Variants in RBFOX1 observed in about 807,000 individuals in gnomAD.
The protein encoded by RBFOX1 is RNA binding fox-1 homolog 1, also known as RNA binding protein fox-1 homolog 1.
RBFOX1 carries 8 observed loss-of-function variants against 57.7 expected under a neutral mutation model. The ratio of observed to expected loss-of-function variants is 0.14; its 90% CI spans 0.08 to 0.25. The LOEUF is 0.25. Ranked by LOEUF, RBFOX1 falls within the 10% of genes least tolerant of loss-of-function variation. The pLI, the probability that RBFOX1 is intolerant of heterozygous loss-of-function variation, is 1.00. For synonymous variants in RBFOX1, 326 were observed against 222.4 expected (o/e 1.47, Z -4.15); for missense variants, 611 against 548.5 (o/e 1.11, Z -1.14).
rs1567553516 is a variant in RBFOX1 at position 7,504,732 on chromosome 16, TATATATATATATATATATATA to T, written c.28-13414_28-13394del. 1.7e-3 allele frequency among the ~76,000 whole-genome samples: 15 copies of T among 8,642 alleles called. No homozygotes were observed. In the South Asian group the frequency reaches 0.026, roughly 15 times the overall value. 5.7% of individuals were successfully genotyped at this position (8,642 alleles called of 152,430 possible). On this transcript the variant is annotated intron_variant, in intron 4 of 15. Coordinates refer to ENST00000550418, the MANE Select transcript of RBFOX1 (RefSeq NM_018723.4). The stretch of plus-strand genomic sequence containing the variant: ...GATTATATATATATATATATATATA[TATATATATATATATATATATA>T]TTTATATATATATATATTTATATAT...
At chr16:6,664,947 T>A (rs1183812791) in intron 3 of RBFOX1, among the ~76,000 whole-genome samples, 1 of 152,166 alleles carries the variant, frequency 6.6e-6, no homozygotes, top group Non-Finnish European at 1.5e-5. Context: ...CAGACATCGT[T>A]TGTAAATCAT....
At chr16:7,021,166 G>A (rs1390150935) in intron 3 of RBFOX1, among the ~76,000 whole-genome samples, 1 of 152,010 alleles carries the variant, frequency 6.6e-6, no homozygotes, top group East Asian at 1.9e-4. Flanking sequence ...AATAAACGAA[G>A]CATCACAGGA....
chr16:6,829,061 C>T (rs564647655), intron 3 of RBFOX1, among the ~76,000 whole-genome samples: 2 of 152,138 alleles, frequency 1.3e-5, no homozygotes, highest in South Asian at 2.1e-4. Flanking sequence ...GGACACCTGC[C>T]GGGATCAGGG....
chr16:5,420,841 C>G (rs930359078), intron 1 of RBFOX1, among the ~76,000 whole-genome samples: 3 of 150,640 alleles, frequency 2.0e-5, no homozygotes, highest in Admixed American at 1.3e-4. Context: ...CAGCCATCGT[C>G]TACCACCACC....
chr16:7,558,081 A>G (rs1250790664), intron 5 of RBFOX1, among the ~76,000 whole-genome samples: 2 of 152,094 alleles, frequency 1.3e-5, no homozygotes, highest in Non-Finnish European at 2.9e-5. Flanking sequence ...GAGGCCAGGC[A>G]TGGTAGCTCA....
At chr16:5,292,111 G>A (rs542417426) in intron 1 of RBFOX1, among the ~76,000 whole-genome samples, 1 of 151,500 alleles carries the variant, frequency 6.6e-6, no homozygotes, top group Non-Finnish European at 1.5e-5. Context: ...AATGAGAAAT[G>A]CGGAATGCTA....
At chr16:7,293,522 A>G (rs958424769) in intron 4 of RBFOX1, among the ~76,000 whole-genome samples, 2 of 152,128 alleles carry the variant, frequency 1.3e-5, no homozygotes, top group African/African-American at 4.8e-5. Flanking sequence ...AGAATGGGCT[A>G]ATTAATTTTA....
chr16:7,448,774 A>G (rs750431062), intron 4 of RBFOX1, among the ~76,000 whole-genome samples: 15 of 151,868 alleles, frequency 9.9e-5, no homozygotes, highest in East Asian at 1.9e-4. Context: ...TTTTCCTTCT[A>G]TGTTTGTCTG....
intron 1 of RBFOX1, among the ~76,000 whole-genome samples, chr16:5,250,433 C>T (rs1158899950): frequency 6.6e-6 from 1 of 152,106 alleles, no homozygotes; most frequent in African/African-American, 2.4e-5. Flanking sequence ...TGTCCCTCAC[C>T]CCCGACAGGC....
intron 3 of RBFOX1, among the ~76,000 whole-genome samples, chr16:5,723,717 G>C (rs2052024497): frequency 1.3e-5 from 2 of 152,158 alleles, no homozygotes; most frequent in Admixed American, 1.3e-4. Flanking sequence ...GGCTTGGGCT[G>C]GATGGTGTCT....
In RBFOX1 at chr16:5,569,136, C is replaced by T. The variant is rs140729061; in HGVS notation, c.259-29766C>T. On this transcript the variant is annotated intron_variant, in intron 2 of 2. Coordinates refer to the RBFOX1 transcript ENST00000585867. The stretch of plus-strand genomic sequence containing the variant: ...AAGTGCTGGGATTACAGGCGTGAGC[C>T]ACCATGCCCGGCTGACATTGGTTCT... Among the ~76,000 whole-genome samples, 259 of 152,186 alleles carry T rather than the reference C, an allele frequency of 1.7e-3. 4 individuals carry two copies. The highest frequency in any genetic ancestry group is 5.2e-3 in the African/African-American group (215 of 41,524).
At chr16:5,719,590 C>A (rs116834506) in intron 3 of RBFOX1, among the ~76,000 whole-genome samples, 2 of 152,052 alleles carry the variant, frequency 1.3e-5, no homozygotes, top group Non-Finnish European at 2.9e-5. Flanking sequence ...CAGGCCCTGG[C>A]AATTACTAAT....
At chr16:7,694,855 C>G (rs898931299) in intron 14 of RBFOX1, among the ~76,000 whole-genome samples, 21 of 152,232 alleles carry the variant, frequency 1.4e-4, no homozygotes, top group South Asian at 4.2e-4. Flanking sequence ...GTTCATAGGC[C>G]TCATGTATAG....
At chr16:7,634,392 T>C (rs544679874) in intron 11 of RBFOX1, among the ~76,000 whole-genome samples, 2 of 152,128 alleles carry the variant, frequency 1.3e-5, no homozygotes, top group Admixed American at 6.5e-5. Flanking sequence ...ATGTTTGTTT[T>C]TTTTTTTCGA....
At chr16:6,319,359 T>A (rs994107068) in intron 2 of RBFOX1, among the ~76,000 whole-genome samples, 3 of 152,202 alleles carry the variant, frequency 2.0e-5, no homozygotes, top group African/African-American at 7.2e-5. Flanking sequence ...GGATTGCTGT[T>A]TGTTCAATAG....
At chr16:5,447,739 C>G (rs554264915) in intron 1 of RBFOX1, among the ~76,000 whole-genome samples, 80 of 152,218 alleles carry the variant, frequency 5.3e-4, no homozygotes, top group Non-Finnish European at 1.0e-3. Flanking sequence ...ATCAGCTTCT[C>G]TCAGCACGTG....
intron 3 of RBFOX1, among the ~76,000 whole-genome samples, chr16:6,903,935 G>C (rs955394275): frequency 2.0e-5 from 3 of 152,074 alleles, no homozygotes; most frequent in African/African-American, 7.2e-5. Context: ...ATTAAAGGAG[G>C]CTGGCACCAT....
At chr16:5,988,517 G>A (rs1417849233) in intron 4 of RBFOX1, among the ~76,000 whole-genome samples, 1 of 152,150 alleles carries the variant, frequency 6.6e-6, no homozygotes, top group African/African-American at 2.4e-5. Context: ...CCAGAGGAAG[G>A]AGGGTGAGAT....
intron 3 of RBFOX1, among the ~76,000 whole-genome samples, chr16:6,888,258 A>G (rs1224419596): frequency 1.3e-5 from 2 of 152,208 alleles, no homozygotes; most frequent in Non-Finnish European, 2.9e-5. Flanking sequence ...GAAGGACCAC[A>G]ATGCTTTATG....
Sources: allele counts gnomAD v4.1 joint callset (sites outside exome capture counted in the v4.1 genomes callset), GRCh38; gene constraint gnomAD v4.1.1; transcripts MANE v1.5; gene names NCBI Gene and HGNC (gene_info 2026-07-23, HGNC 2026-07-21).